Variants in NRG3 observed in about 807,000 individuals in gnomAD.
NRG3 encodes the protein pro-neuregulin-3, membrane-bound isoform.
Under a neutral mutation model 66.9 loss-of-function variants are expected in NRG3, and 31 were observed. The observed-to-expected ratio is 0.46, with a 90% CI of 0.35 to 0.63. The LOEUF (loss-of-function observed/expected upper bound fraction) is 0.63. Ranked by LOEUF, NRG3 falls within the 20% of genes least tolerant of loss-of-function variation. The pLI, the probability that NRG3 is intolerant of heterozygous loss-of-function variation, is 0.00. For synonymous variants in NRG3, 393 were observed against 359.4 expected (o/e 1.09, Z -1.06); for missense variants, 910 against 878.9 (o/e 1.04, Z -0.45).
At chr10:82,809,469 C>T (rs2061410988) in intron 3 of NRG3, among the ~76,000 whole-genome samples, 2 of 152,036 alleles carry the variant, frequency 1.3e-5, no homozygotes, top group South Asian at 4.1e-4. Flanking sequence ...TGAGACAAGT[C>T]CTGTGCTCCT....
intron 1 of NRG3, among the ~76,000 whole-genome samples, chr10:81,985,127 G>GTATT: frequency 6.6e-6 from 1 of 152,280 alleles, no homozygotes; most frequent in Non-Finnish European, 1.5e-5. Flanking sequence ...ACTGTTCTAA[G>GTATT]GGTTTTCATG....
intron 1 of NRG3, among the ~76,000 whole-genome samples, chr10:81,928,506 A>G (rs1764877327): frequency 6.6e-6 from 1 of 152,238 alleles, no homozygotes; most frequent in Non-Finnish European, 1.5e-5. Flanking sequence ...ATCATAAAGA[A>G]TTGAGTGCTT....
At chr10:82,214,642 T>G (rs1473863577) in intron 1 of NRG3, among the ~76,000 whole-genome samples, 1 of 151,942 alleles carries the variant, frequency 6.6e-6, no homozygotes, top group Non-Finnish European at 1.5e-5. Flanking sequence ...AAAAAAAATT[T>G]TTTTTGCACA....
At chr10:82,096,558 A>G (rs920605234) in intron 1 of NRG3, among the ~76,000 whole-genome samples, 5 of 152,296 alleles carry the variant, frequency 3.3e-5, no homozygotes, top group East Asian at 1.9e-4. Flanking sequence ...CTCACCAAAA[A>G]GAACACAACA....
chr10:81,888,721 C>T (rs914531183), intron 1 of NRG3, among the ~76,000 whole-genome samples: 3 of 152,192 alleles, frequency 2.0e-5, no homozygotes, highest in Admixed American at 6.5e-5. Flanking sequence ...TCACCTTTTC[C>T]TTGGAGCAGC....
chr10:82,368,577 A>G (rs1336752472), intron 2 of NRG3, among the ~76,000 whole-genome samples: 3 of 137,674 alleles, frequency 2.2e-5, no homozygotes, highest in Non-Finnish European at 4.4e-5. Flanking sequence ...GACCCTTCAG[A>G]TGTGTCCCCG....
chr10:82,795,085 G>C (rs1021268190), intron 3 of NRG3, among the ~76,000 whole-genome samples: 2 of 152,308 alleles, frequency 1.3e-5, no homozygotes, highest in African/African-American at 4.8e-5. Flanking sequence ...TCTATGTTAA[G>C]TGAGTACTAT....
intron 2 of NRG3, among the ~76,000 whole-genome samples, chr10:82,506,092 A>C (rs1844645486): frequency 6.6e-6 from 1 of 152,134 alleles, no homozygotes; most frequent in South Asian, 2.1e-4. Flanking sequence ...CTAAAAATGC[A>C]AAAAAACTAG....
intron 2 of NRG3, among the ~76,000 whole-genome samples, chr10:82,536,996 T>G (rs977311786): frequency 1.6e-4 from 24 of 151,850 alleles, no homozygotes; most frequent in Non-Finnish European, 2.8e-4. Flanking sequence ...CACTCTAAAC[T>G]TGGAGAAAGT....
chr10:82,774,670 T>C (rs1048725004), intron 3 of NRG3, among the ~76,000 whole-genome samples: 4 of 151,920 alleles, frequency 2.6e-5, no homozygotes, highest in African/African-American at 9.7e-5. Context: ...TCTTTTTTTC[T>C]TAGTCTAGTT....
At chr10:82,184,260 A>T (rs1358697260) in intron 1 of NRG3, among the ~76,000 whole-genome samples, 2 of 152,170 alleles carry the variant, frequency 1.3e-5, no homozygotes, top group African/African-American at 4.8e-5. Context: ...GCTGCTTAGT[A>T]CAAATCAGCT....
intron 2 of NRG3, among the ~76,000 whole-genome samples, chr10:82,416,518 T>G (rs772214929): frequency 1.3e-4 from 20 of 152,100 alleles, no homozygotes; most frequent in Non-Finnish European, 2.4e-4. Context: ...CCATCTGGGC[T>G]CCCAGAGAAA....
chr10:82,334,136 C>CAAAAAAAAAAA (rs34320765), intron 1 of NRG3, among the ~76,000 whole-genome samples: 1 of 89,884 alleles, frequency 1.1e-5, no homozygotes, highest in Non-Finnish European at 2.6e-5. Flanking sequence ...CATGGCGTCT[C>CAAAAAAAAAAA]AAAAAAAAAA....
Position 81,875,283 on chromosome 10 carries a change from C to CG in NRG3, c.-56dup. 1 of 977,644 alleles carries CG rather than the reference C, an allele frequency of 1.0e-6. No individual in the cohort carries two copies. The highest frequency in any genetic ancestry group is 1.2e-6 in the Non-Finnish European group (1 of 825,330). The allele number at this position is 977,644 out of a possible 1,614,324, so 60.6% of individuals were successfully genotyped here. On this transcript the variant is annotated 5_prime_UTR_variant, in exon 1 of 9. It removes the in-frame stop codon of an upstream open reading frame in the 5' UTR. Coordinates refer to ENST00000372141, the MANE Select transcript of NRG3 (RefSeq NM_001010848.4). The surrounding 1 kb of genome is among the most constrained non-coding windows in gnomAD (Gnocchi z 5.3). ...CGCCCGCGCCCGCGCCCGGCCCGCG[C>CG]GGCCCCATGCCTCTGCCGCGGCCCT... is the stretch of plus-strand genomic sequence containing the variant.
At chr10:82,828,128 G>T (rs1376388191) in intron 3 of NRG3, among the ~76,000 whole-genome samples, 4 of 152,036 alleles carry the variant, frequency 2.6e-5, no homozygotes, top group African/African-American at 9.7e-5. Context: ...AATTGGCCAG[G>T]GTGACTGGTA....
chr10:82,437,032 T>A (rs1025728799), intron 2 of NRG3, among the ~76,000 whole-genome samples: 1 of 152,098 alleles, frequency 6.6e-6, no homozygotes, highest in Non-Finnish European at 1.5e-5. Context: ...GATCTTCTCA[T>A]AGAGTATCTT....
At chr10:82,437,273 A>C (rs139385175) in intron 2 of NRG3, among the ~76,000 whole-genome samples, 1,659 of 150,902 alleles carry the variant, frequency 0.011, 27 homozygotes, top group African/African-American at 0.039. Flanking sequence ...TGCATGTCTT[A>C]TTTCAGTAAG....
intron 2 of NRG3, among the ~76,000 whole-genome samples, chr10:82,614,742 G>A (rs1190216919): frequency 6.6e-6 from 1 of 152,000 alleles, no homozygotes; most frequent in Admixed American, 6.6e-5. Context: ...GTTTTCTCCT[G>A]ACCCTTTTAT....
chr10:82,845,648 G>A (rs1191840324), intron 3 of NRG3, among the ~76,000 whole-genome samples: 4 of 152,006 alleles, frequency 2.6e-5, no homozygotes, highest in African/African-American at 9.7e-5. Flanking sequence ...CAGAAAATAA[G>A]TCAATGCAAC....
Sources: gnomAD v4.1 joint callset for allele counts (sites outside exome capture counted in the v4.1 genomes callset) on GRCh38, gnomAD v4.1.1 for gene constraint, Gnocchi (gnomAD v3.1) non-coding constraint, MANE v1.5 for transcripts, NCBI Gene and HGNC (gene_info 2026-07-23, HGNC 2026-07-21) for gene names.